The following KLF17 variants were observed in gnomAD, a reference collection of about 807,000 sequenced individuals.
KLF17 encodes the protein KLF transcription factor 17.
In KLF17, 31 loss-of-function variants were observed where a neutral mutation model predicts 34.2. That is an observed-to-expected ratio of 0.91 (90% confidence interval 0.68 to 1.22). The LOEUF is 1.22. KLF17 is among the 50% of genes most tolerant of loss of function. The pLI is 0.00. For missense variants in KLF17, 478 were observed against 505.2 expected (o/e 0.95, Z 0.52); for synonymous variants, 179 against 186.7 (o/e 0.96, Z 0.34).
At chr1:44,099,772 A>G in the KLF17 span, among the ~76,000 whole-genome samples, 1 of 150,776 alleles carries the variant, frequency 6.6e-6, no homozygotes, top group Non-Finnish European at 1.5e-5. Context: ...CCGAGATTGC[A>G]CCACTGGACT....
At chr1:44,051,260 T>G in the KLF17 span, 2 of 152,212 alleles carry the variant, frequency 1.3e-5, no homozygotes, top group African/African-American at 4.8e-5. Flanking sequence ...AACCAAAGGC[T>G]CTTTTTAGAA....
the KLF17 span, among the ~76,000 whole-genome samples, chr1:44,097,433 T>G: frequency 6.6e-6 from 1 of 152,192 alleles, no homozygotes; most frequent in Non-Finnish European, 1.5e-5. Context: ...GGGATAGCAT[T>G]GAATCTATAA....
In KLF17 at chr1:44,121,202, C is replaced by T. The variant is rs548340043; in HGVS notation, c.81+2214C>T. On this transcript the variant is annotated intron_variant, in intron 1 of 3. Transcript: ENST00000372299. ...CACCATCTCAGCTCACTGAAACCTC[C>T]GCTTCCCAGGTTCAAGCAATTCTCG... 1.4e-3 allele frequency among the ~76,000 whole-genome samples: 209 copies of T among 152,226 alleles called. 2 individuals are homozygous for T. Among genetic ancestry groups the T allele is most frequent in the African/African-American group, 4.6e-3 (189 of 41,534 alleles).
intron 2 of KLF17, 52 bp downstream of exon 2, chr1:44,130,248 T>G (rs1329367113): frequency 1.3e-6 from 2 of 1,557,270 alleles, no homozygotes; most frequent in African/African-American, 2.7e-5. Context: ...GGGCTTTAGA[T>G]TTGTCCTGGG....
At chr1:44,103,136 A>G in the KLF17 span, among the ~76,000 whole-genome samples, 1 of 152,234 alleles carries the variant, frequency 6.6e-6, no homozygotes, top group Non-Finnish European at 1.5e-5. Context: ...AGCTGGAGAC[A>G]TGGGCAAGGG....
chr1:44,102,707 T>C, the KLF17 span, among the ~76,000 whole-genome samples: 2 of 152,104 alleles, frequency 1.3e-5, no homozygotes, highest in African/African-American at 2.4e-5. Flanking sequence ...GATAATGATC[T>C]GTCAGTGTAG....
Position 44,130,688 on chromosome 1 carries a change from G to C in KLF17, c.1102G>C (p.Gly368Arg). ...GCAACACCAGAAGACTCATCGGCCG[G>C]GACCCTCAGACCCACAGGCCAACAA... Reference protein sequence around the residue: ...LKQHQKTHRPGPSDPQANNNN... With the variant: ...LKQHQKTHRPRPSDPQANNNN... Residue 368 changes from glycine (G) to arginine (R), a missense_variant, in exon 3 of 4, where the codon GGA (glycine) becomes CGA (arginine). Transcript: ENST00000372299. The C allele has an allele frequency of 6.2e-7, 1 of 1,613,188 alleles. No homozygotes were observed. The highest frequency in any genetic ancestry group is 8.5e-7 in the Non-Finnish European group (1 of 1,179,776).
intron 1 of KLF17, among the ~76,000 whole-genome samples, chr1:44,119,823 C>T (rs1479423948): frequency 6.6e-6 from 1 of 152,150 alleles, no homozygotes; most frequent in Non-Finnish European, 1.5e-5. Context: ...AGTGGGAAGC[C>T]ATTGATGAGT....
the KLF17 span, among the ~76,000 whole-genome samples, chr1:44,055,591 A>G: frequency 6.6e-6 from 1 of 152,162 alleles, no homozygotes; most frequent in East Asian, 1.9e-4. Context: ...ACCTCAACAC[A>G]GATAAGGAGA....
the KLF17 span, among the ~76,000 whole-genome samples, chr1:44,079,307 CTT>C: frequency 9.9e-5 from 14 of 140,780 alleles, no homozygotes; most frequent in East Asian, 2.1e-4. Flanking sequence ...TTTTCTTCTC[CTT>C]TTTTTTTTTT....
At chr1:44,127,125 T>A (rs755105142) in intron 1 of KLF17, among the ~76,000 whole-genome samples, 1 of 150,902 alleles carries the variant, frequency 6.6e-6, no homozygotes, top group Admixed American at 6.6e-5. Flanking sequence ...CTCAGGCTGG[T>A]CTTGAACTCC....
At chr1:44,098,685 G>A in the KLF17 span, among the ~76,000 whole-genome samples, 488 of 150,634 alleles carry the variant, frequency 3.2e-3, 2 homozygotes, top group African/African-American at 0.012. Flanking sequence ...TGAGTAGCTG[G>A]GACTACAGGT....
At chr1:44,127,663 T>TTG in intron 1 of KLF17, among the ~76,000 whole-genome samples, 1 of 84,964 alleles carries the variant, frequency 1.2e-5, no homozygotes. Context: ...TCTTTCTTTC[T>TTG]TTCTTTCTTT....
the KLF17 span, among the ~76,000 whole-genome samples, chr1:44,066,233 T>C: frequency 6.7e-6 from 1 of 149,530 alleles, no homozygotes; most frequent in Non-Finnish European, 1.5e-5. Context: ...GGTGGGAGGA[T>C]TGCTTGAGCT....
the KLF17 span, among the ~76,000 whole-genome samples, chr1:44,058,279 G>A: frequency 7.2e-5 from 11 of 152,000 alleles, no homozygotes; most frequent in African/African-American, 2.2e-4. Context: ...CCTCACCATC[G>A]CCTTTTTTTT....
chr1:44,059,337 C>T, the KLF17 span, among the ~76,000 whole-genome samples: 1 of 152,206 alleles, frequency 6.6e-6, no homozygotes, highest in African/African-American at 2.4e-5. Context: ...GGTATAGAGG[C>T]CACTCTAAGG....
the KLF17 span, among the ~76,000 whole-genome samples, chr1:44,078,554 C>T: frequency 6.6e-6 from 1 of 151,964 alleles, no homozygotes; most frequent in Admixed American, 6.6e-5. Context: ...TCCCCTGCCT[C>T]AGCCCCCTGA....
intron 1 of KLF17, among the ~76,000 whole-genome samples, chr1:44,119,697 C>T (rs2087925292): frequency 6.6e-6 from 1 of 152,156 alleles, no homozygotes; most frequent in African/African-American, 2.4e-5. Context: ...AGGTCTGAGA[C>T]CACAGGCTGC....
the KLF17 span, among the ~76,000 whole-genome samples, chr1:44,067,630 C>T: frequency 6.6e-6 from 1 of 152,186 alleles, no homozygotes; most frequent in Non-Finnish European, 1.5e-5. Flanking sequence ...CTGTTTGAGG[C>T]TGGTGGGATG....
Sources: gnomAD v4.1 joint callset for allele counts (sites outside exome capture counted in the v4.1 genomes callset) on GRCh38, gnomAD v4.1.1 for gene constraint, MANE v1.5 for transcripts, NCBI Gene and HGNC (gene_info 2026-07-23, HGNC 2026-07-21) for gene names.